The following PCOLCE2 variants were observed in gnomAD, a reference collection of about 807,000 sequenced individuals.
PCOLCE2 encodes procollagen C-proteinase enhancer 2.
A neutral mutation model predicts 47.0 loss-of-function variants in PCOLCE2; 42 were observed. The observed-to-expected ratio is 0.89, with a 90% CI of 0.70 to 1.16. PCOLCE2 has a LOEUF of 1.16. Among genes scored for constraint, PCOLCE2 ranks in the 50% most tolerant of loss-of-function variants. PCOLCE2 has a pLI of 0.00. For synonymous variants in PCOLCE2, 169 were observed against 191.7 expected (o/e 0.88, Z 0.98); for missense variants, 500 against 526.1 (o/e 0.95, Z 0.49).
chr3:142,883,286 T>C (rs1447642508), intron 2 of PCOLCE2, among the ~76,000 whole-genome samples: 1 of 151,962 alleles, frequency 6.6e-6, no homozygotes, highest in South Asian at 2.1e-4. Flanking sequence ...GATTCTAGGC[T>C]TTAAGTTTCC....
intron 5 of PCOLCE2, among the ~76,000 whole-genome samples, chr3:142,830,464 T>C (rs1357481435): frequency 6.6e-6 from 1 of 152,220 alleles, no homozygotes; most frequent in Non-Finnish European, 1.5e-5. Context: ...GGACTTCCAT[T>C]TCATTTTCAA....
At chr3:142,885,188 T>C (rs550985903) in intron 2 of PCOLCE2, among the ~76,000 whole-genome samples, 9 of 152,310 alleles carry the variant, frequency 5.9e-5, no homozygotes, top group Admixed American at 1.3e-4. Context: ...CATTCTTGCA[T>C]TGATATGATA....
At chr3:142,849,152 CAA>C (rs11314094) in intron 2 of PCOLCE2, among the ~76,000 whole-genome samples, 42 of 145,396 alleles carry the variant, frequency 2.9e-4, no homozygotes, top group Non-Finnish European at 2.3e-4. Flanking sequence ...GACTCCACCT[CAA>C]AAAAAAAAAA....
intron 5 of PCOLCE2, among the ~76,000 whole-genome samples, chr3:142,830,929 T>C (rs558732191): frequency 6.6e-6 from 1 of 152,280 alleles, no homozygotes; most frequent in Non-Finnish European, 1.5e-5. Flanking sequence ...AGCATTTTTT[T>C]CCCCCTACTG....
chr3:142,829,208 T>C (rs563315378), intron 6 of PCOLCE2, among the ~76,000 whole-genome samples: 29 of 149,362 alleles, frequency 1.9e-4, no homozygotes, highest in Non-Finnish European at 3.7e-4. Flanking sequence ...AATATTGTTG[T>C]TTAATTTACT....
chr3:142,872,038 T>C (rs1933399873), intron 2 of PCOLCE2, among the ~76,000 whole-genome samples: 1 of 152,116 alleles, frequency 6.6e-6, no homozygotes, highest in Non-Finnish European at 1.5e-5. Context: ...ACAATTGTCT[T>C]CCAGTTGCTT....
intron 2 of PCOLCE2, among the ~76,000 whole-genome samples, chr3:142,867,509 G>A (rs985293190): frequency 6.6e-5 from 10 of 151,988 alleles, no homozygotes; most frequent in African/African-American, 9.7e-5. Flanking sequence ...CCTTGTATTC[G>A]GAATAAAGAA....
At chr3:142,845,232 T>C (rs1449759676) in intron 3 of PCOLCE2, among the ~76,000 whole-genome samples, 1 of 152,234 alleles carries the variant, frequency 6.6e-6, no homozygotes, top group African/African-American at 2.4e-5. Context: ...CTAGGGATTA[T>C]AATATGCATG....
At chr3:142,878,083 A>T (rs574497562) in intron 2 of PCOLCE2, among the ~76,000 whole-genome samples, 58 of 152,284 alleles carry the variant, frequency 3.8e-4, no homozygotes, top group Non-Finnish European at 7.5e-4. Context: ...TCTTCTTGAC[A>T]GTCTGGTCCA....
chr3:142,831,331 C>T (rs1040682601), intron 5 of PCOLCE2, among the ~76,000 whole-genome samples: 4 of 152,118 alleles, frequency 2.6e-5, no homozygotes, highest in Non-Finnish European at 5.9e-5. Flanking sequence ...GCATGCTCTG[C>T]CCCCCTTGCC....
chr3:142,824,003 G>GA (rs1553812624), intron 6 of PCOLCE2, among the ~76,000 whole-genome samples: 2 of 152,132 alleles, frequency 1.3e-5, no homozygotes, highest in Non-Finnish European at 2.9e-5. Flanking sequence ...TTTACAAAAG[G>GA]AATCATAGGG....
At chr3:142,854,947 T>C (rs7647899) in intron 2 of PCOLCE2, among the ~76,000 whole-genome samples, 73,272 of 152,086 alleles carry the variant, frequency 0.48, 19,381 homozygotes, top group Non-Finnish European at 0.61. Flanking sequence ...TATCCCCTTA[T>C]CTCTCATCTT....
intron 5 of PCOLCE2, among the ~76,000 whole-genome samples, chr3:142,838,038 G>C (rs1937223946): frequency 6.6e-6 from 1 of 152,136 alleles, no homozygotes; most frequent in African/African-American, 2.4e-5. Context: ...CCCCCTGGTT[G>C]TTTTTGTTTT....
intron 2 of PCOLCE2, among the ~76,000 whole-genome samples, chr3:142,880,166 A>C (rs1933583955): frequency 1.3e-5 from 2 of 151,728 alleles, no homozygotes; most frequent in Admixed American, 1.3e-4. Flanking sequence ...ATACTAACTC[A>C]AGCATTGGGT....
At chr3:142,830,068 C>T (rs573426440) in intron 5 of PCOLCE2, among the ~76,000 whole-genome samples, 1 of 152,304 alleles carries the variant, frequency 6.6e-6, no homozygotes, top group African/African-American at 2.4e-5. Flanking sequence ...TCCACCTTCA[C>T]AACAACCCTA....
At chr3:142,872,712 T>C (rs1418930239) in intron 2 of PCOLCE2, among the ~76,000 whole-genome samples, 6 of 152,208 alleles carry the variant, frequency 3.9e-5, no homozygotes, top group African/African-American at 1.4e-4. Context: ...TTGCCTCCTG[T>C]TACATGGCTC....
intron 2 of PCOLCE2, among the ~76,000 whole-genome samples, chr3:142,886,629 G>C (rs955095604): frequency 6.6e-6 from 1 of 152,162 alleles, no homozygotes; most frequent in Admixed American, 6.5e-5. Flanking sequence ...AATGACCTCA[G>C]TGGGAATACC....
chr3:142,875,117 A>G (rs1933470838), intron 2 of PCOLCE2, among the ~76,000 whole-genome samples: 1 of 152,262 alleles, frequency 6.6e-6, no homozygotes. Context: ...ATAATATCAT[A>G]ACAAAAACAA....
intron 2 of PCOLCE2, among the ~76,000 whole-genome samples, chr3:142,880,162 A>T (rs1933583838): frequency 1.3e-5 from 2 of 151,434 alleles, no homozygotes. Flanking sequence ...AATAATACTA[A>T]CTCAAGCATT....
Sources: gnomAD v4.1 joint callset for allele counts (sites outside exome capture counted in the v4.1 genomes callset) on GRCh38, gnomAD v4.1.1 for gene constraint, MANE v1.5 for transcripts, NCBI Gene and HGNC (gene_info 2026-07-23, HGNC 2026-07-21) for gene names.